C1orf21: variants seen among roughly 807,000 people sequenced by gnomAD.
C1orf21 encodes the protein chromosome 1 open reading frame 21.
A neutral mutation model predicts 18.7 loss-of-function variants in C1orf21; 3 were observed. That is an observed-to-expected ratio of 0.16 (90% confidence interval 0.07 to 0.42). The LOEUF is 0.42. C1orf21 is among the 10% of genes least tolerant of loss of function. C1orf21 has a pLI of 0.99. For synonymous variants in C1orf21, 41 were observed against 46.4 expected (o/e 0.88, Z 0.47); for missense variants, 104 against 143.6 (o/e 0.72, Z 1.41).
At chr1:184,574,089 C>CAGCT (rs1659151718) in intron 3 of C1orf21, among the ~76,000 whole-genome samples, 1 of 152,014 alleles carries the variant, frequency 6.6e-6, no homozygotes, top group South Asian at 2.1e-4. Flanking sequence ...CCTGTAATCC[C>CAGCT]AGCTACTCGG....
At chr1:184,588,996 T>C (rs1170844410) in intron 3 of C1orf21, among the ~76,000 whole-genome samples, 1 of 152,152 alleles carries the variant, frequency 6.6e-6, no homozygotes, top group Non-Finnish European at 1.5e-5. Context: ...AACCACAGAA[T>C]GGGTTTTTAA....
chr1:184,582,312 G>A (rs1328717567), intron 3 of C1orf21, among the ~76,000 whole-genome samples: 3 of 152,226 alleles, frequency 2.0e-5, no homozygotes, highest in Non-Finnish European at 4.4e-5. Flanking sequence ...AAATGTGTGT[G>A]TACTTCACCA....
Position 184,574,351 on chromosome 1 carries a change from G to A in C1orf21, c.190-16388G>A, listed in dbSNP as rs1383205441. 5.9e-5 allele frequency among the ~76,000 whole-genome samples: 9 copies of A among 152,300 alleles called. No individual in the cohort carries two copies. The East Asian group carries it at 1.5e-3, about 26-fold the overall frequency. On this transcript the variant is annotated intron_variant, in intron 3 of 5. Transcript: ENST00000235307. ...AATTGTTTCATGAAATGTGCATATG[G>A]AAAAAGTAATACTTTTAAATATGAT... is the stretch of plus-strand genomic sequence containing the variant.
chr1:184,420,002 G>C (rs151005654), intron 1 of C1orf21, among the ~76,000 whole-genome samples: 1 of 152,180 alleles, frequency 6.6e-6, no homozygotes, highest in Non-Finnish European at 1.5e-5. Flanking sequence ...GTGACTCAGA[G>C]TAAGCAGATG....
chr1:184,564,055 G>A (rs1217459025), intron 3 of C1orf21, among the ~76,000 whole-genome samples: 3 of 152,174 alleles, frequency 2.0e-5, no homozygotes, highest in Non-Finnish European at 4.4e-5. Context: ...TTATTTCACC[G>A]TGGATGCTTG....
intron 3 of C1orf21, among the ~76,000 whole-genome samples, chr1:184,519,114 T>C (rs1276683429): frequency 3.9e-5 from 6 of 152,168 alleles, no homozygotes; most frequent in Non-Finnish European, 5.9e-5. Context: ...ACAGAATAAA[T>C]AGAACAGACC....
intron 1 of C1orf21, among the ~76,000 whole-genome samples, chr1:184,437,975 A>T (rs1184346706): frequency 6.6e-6 from 1 of 152,130 alleles, no homozygotes; most frequent in Non-Finnish European, 1.5e-5. Context: ...GCCATCACTC[A>T]TCTGACAGGA....
intron 3 of C1orf21, among the ~76,000 whole-genome samples, chr1:184,559,559 C>CTG: frequency 2.3e-5 from 3 of 129,308 alleles, no homozygotes; most frequent in Non-Finnish European, 4.9e-5. Flanking sequence ...TCCTTCCTCT[C>CTG]TCTTTCTTCC....
intron 5 of C1orf21, among the ~76,000 whole-genome samples, chr1:184,602,530 T>C (rs1659599039): frequency 1.3e-5 from 2 of 152,172 alleles, no homozygotes; most frequent in South Asian, 2.1e-4. Context: ...TCCTAGAATC[T>C]TTTTTGAAGT....
At chr1:184,439,186 A>C (rs1389441196) in intron 1 of C1orf21, among the ~76,000 whole-genome samples, 1 of 151,992 alleles carries the variant, frequency 6.6e-6, no homozygotes, top group African/African-American at 2.4e-5. Context: ...ACTCCAGCCT[A>C]GGTGACAGAG....
At chr1:184,517,786 T>C (rs1050016241) in intron 3 of C1orf21, among the ~76,000 whole-genome samples, 1 of 152,156 alleles carries the variant, frequency 6.6e-6, no homozygotes, top group African/African-American at 2.4e-5. Flanking sequence ...AGATATACCC[T>C]TTCCTAGACA....
At chr1:184,562,579 C>T (rs947364386) in intron 3 of C1orf21, among the ~76,000 whole-genome samples, 1 of 152,170 alleles carries the variant, frequency 6.6e-6, no homozygotes, top group Non-Finnish European at 1.5e-5. Context: ...TATGAAGCAT[C>T]GAGGGAATAA....
intron 1 of C1orf21, among the ~76,000 whole-genome samples, chr1:184,404,532 C>T (rs535690175): frequency 1.3e-5 from 2 of 152,178 alleles, no homozygotes; most frequent in East Asian, 3.9e-4. Flanking sequence ...CTGGAGTTGC[C>T]CTTCTTTTCT....
intron 3 of C1orf21, among the ~76,000 whole-genome samples, chr1:184,554,378 A>G (rs748353342): frequency 1.3e-5 from 2 of 152,210 alleles, no homozygotes; most frequent in Non-Finnish European, 2.9e-5. Context: ...ATGAAACCCA[A>G]TGTCAAGAAT....
intron 1 of C1orf21, among the ~76,000 whole-genome samples, chr1:184,457,797 T>C (rs1657243999): frequency 6.6e-6 from 1 of 152,218 alleles, no homozygotes; most frequent in Admixed American, 6.5e-5. Flanking sequence ...AGCATTTTTA[T>C]GGGAGTGACA....
At chr1:184,486,069 G>A (rs1023418725) in intron 2 of C1orf21, among the ~76,000 whole-genome samples, 1 of 152,272 alleles carries the variant, frequency 6.6e-6, no homozygotes, top group Admixed American at 6.5e-5. Context: ...TTAATGGCTC[G>A]AAGTGCACAT....
intron 5 of C1orf21, among the ~76,000 whole-genome samples, chr1:184,613,977 A>G (rs1399295288): frequency 5.3e-5 from 8 of 152,168 alleles, no homozygotes; most frequent in Non-Finnish European, 1.2e-4. Flanking sequence ...ACTGCACTCC[A>G]GCCTGGGTGG....
intron 3 of C1orf21, among the ~76,000 whole-genome samples, chr1:184,510,723 T>C (rs1469384473): frequency 6.6e-6 from 1 of 152,220 alleles, no homozygotes; most frequent in African/African-American, 2.4e-5. Context: ...AGAGCCTTAA[T>C]GTCCAGCCAA....
intron 1 of C1orf21, among the ~76,000 whole-genome samples, chr1:184,445,507 A>G (rs1275573670): frequency 1.4e-5 from 2 of 141,342 alleles, no homozygotes; most frequent in East Asian, 2.1e-4. Flanking sequence ...TGATTCGACT[A>G]CACTTTAAAT....
Sources: gnomAD v4.1 joint callset for allele counts (sites outside exome capture counted in the v4.1 genomes callset) on GRCh38, gnomAD v4.1.1 for gene constraint, MANE v1.5 for transcripts, NCBI Gene and HGNC (gene_info 2026-07-23, HGNC 2026-07-21) for gene names.